The following SLC25A12 variants were observed in gnomAD, a reference collection of about 807,000 sequenced individuals.
SLC25A12 encodes solute carrier family 25 member 12.
SLC25A12 carries 32 observed loss-of-function variants against 83.3 expected under a neutral mutation model. The observed-to-expected ratio is 0.38, with a 90% confidence interval of 0.29 to 0.52. SLC25A12 has a LOEUF of 0.52. SLC25A12 is among the 20% of genes least tolerant of loss of function. The pLI, the probability that SLC25A12 is intolerant of heterozygous loss-of-function variation, is 0.84. For missense variants in SLC25A12, 611 were observed against 835.6 expected, an observed-to-expected ratio of 0.73 and a Z score of 3.31; for synonymous variants, 267 against 291.1, an observed-to-expected ratio of 0.92 and a Z score of 0.84.
intron 3 of SLC25A12, among the ~76,000 whole-genome samples, chr2:171,866,790 C>T (rs1380711634): frequency 5.0e-5 from 7 of 139,828 alleles, no homozygotes; most frequent in Non-Finnish European, 9.4e-5. Flanking sequence ...CCCTCCCGGA[C>T]GGGGCGGCTG....
chr2:171,821,014 ATTCT>A (rs1214844049), intron 9 of SLC25A12, among the ~76,000 whole-genome samples: 2 of 111,890 alleles, frequency 1.8e-5, no homozygotes, highest in Non-Finnish European at 3.6e-5. Context: ...AGCTATAAAC[ATTCT>A]TTTTTTTTTT....
At chr2:171,808,481 G>T (rs886414829) in intron 13 of SLC25A12, among the ~76,000 whole-genome samples, 1 of 152,128 alleles carries the variant, frequency 6.6e-6, no homozygotes, top group Non-Finnish European at 1.5e-5. Flanking sequence ...TTAAACAATG[G>T]CTTACTCAGT....
chr2:171,785,215 C>T lies in SLC25A12; in HGVS notation c.*59G>A. 1.3e-6 allele frequency: 2 copies of T among 1,503,584 alleles called. No homozygotes were observed. The highest frequency in any genetic ancestry group is 1.9e-6 in the Non-Finnish European group (2 of 1,080,856). 93.1% of individuals were successfully genotyped at this position (1,503,584 alleles called of 1,614,324 possible). A position where few individuals can be genotyped will look rare whatever the true frequency, so the allele number is the denominator to read the frequency against. Reference sequence around the variant, plus strand: ...GCAGCTGACTGGATACATTACAGGGCTGCTCTCCTAGGCCTCTTTCTTCAA... The same window carrying T: ...GCAGCTGACTGGATACATTACAGGGTTGCTCTCCTAGGCCTCTTTCTTCAA... On this transcript the variant is annotated 3_prime_UTR_variant, in exon 18 of 18. Coordinates refer to ENST00000422440, the MANE Select transcript of SLC25A12 (RefSeq NM_003705.5).
At chr2:171,874,870 C>T (rs1043840074) in intron 2 of SLC25A12, among the ~76,000 whole-genome samples, 1 of 152,180 alleles carries the variant, frequency 6.6e-6, no homozygotes, top group East Asian at 1.9e-4. Flanking sequence ...GGCCATTTCA[C>T]ACCAACTTCC....
At chr2:171,850,643 G>C (rs1424913017) in intron 4 of SLC25A12, among the ~76,000 whole-genome samples, 1 of 151,844 alleles carries the variant, frequency 6.6e-6, no homozygotes, top group Non-Finnish European at 1.5e-5. Context: ...GGGATTACAG[G>C]CATGAGCCAC....
rs1197157829 is a variant in SLC25A12, at chr2:171,837,144, A to G, written c.589T>C (p.Phe197Leu). ...ACTGAAACTAAGTTCTCCTCCACAA[A>G]AGGAGTAAGCATGTGAGATCTAATG... is the stretch of plus-strand genomic sequence containing the variant. ...VTIRSHMLTP[F>L]VEENLVSAAG... is the part of the protein sequence containing the mutation. Residue 197 changes from phenylalanine (F) to leucine (L), a missense_variant, in exon 6 of 18, where the codon TTT (phenylalanine) becomes CTT (leucine). By Grantham distance (22) the Phe-to-Leu change is conservative. Transcript: ENST00000422440. The G allele has an allele frequency of 6.2e-7, 1 of 1,613,974 alleles. No individual in the cohort carries two copies. The highest frequency in any genetic ancestry group is 8.5e-7 in the Non-Finnish European group (1 of 1,179,936).
chr2:171,881,147 T>G (rs74858186), intron 2 of SLC25A12, among the ~76,000 whole-genome samples: 4,113 of 152,068 alleles, frequency 0.027, 70 homozygotes, highest in Middle Eastern at 0.041. Context: ...ATTTTCTTTT[T>G]TTGTTGTTGT....
At chr2:171,820,645 G>T (rs1216247248) in intron 9 of SLC25A12, among the ~76,000 whole-genome samples, 1 of 141,258 alleles carries the variant, frequency 7.1e-6, no homozygotes, top group East Asian at 2.0e-4. Flanking sequence ...GGAGAATGGC[G>T]TGAACCCGGG....
chr2:171,881,147 TTTGTTGTTGTTG>T (rs199795106), intron 2 of SLC25A12, among the ~76,000 whole-genome samples: 1 of 151,970 alleles, frequency 6.6e-6, no homozygotes, highest in East Asian at 1.9e-4. Context: ...ATTTTCTTTT[TTTGTTGTTGTTG>T]TTGTTGTTGT....
At chr2:171,805,617 A>G (rs1683808855) in intron 13 of SLC25A12, among the ~76,000 whole-genome samples, 1 of 152,234 alleles carries the variant, frequency 6.6e-6, no homozygotes, top group South Asian at 2.1e-4. Flanking sequence ...AGTTGGGAAC[A>G]ATAATGAGAT....
chr2:171,893,142 G>A, intron 2 of SLC25A12, 63 bp downstream of exon 2: 1 of 1,305,016 alleles, frequency 7.7e-7, no homozygotes, highest in Non-Finnish European at 1.1e-6. Flanking sequence ...GGCATGAATA[G>A]GACTAAGGAC....
At chr2:171,796,874 G>A (rs1683607631) in intron 13 of SLC25A12, among the ~76,000 whole-genome samples, 1 of 152,178 alleles carries the variant, frequency 6.6e-6, no homozygotes, top group Non-Finnish European at 1.5e-5. Flanking sequence ...GGATTCTGAG[G>A]TTGACCACTC....
chr2:171,785,589 C>A, intron 17 of SLC25A12, 114 bp from the exon 18 acceptor site: 5 of 926,324 alleles, frequency 5.4e-6, no homozygotes, highest in Non-Finnish European at 8.8e-6. Context: ...TTCTCTCAAC[C>A]ATTTCCATGG....
chr2:171,797,558 C>G (rs751971939), intron 13 of SLC25A12, among the ~76,000 whole-genome samples: 53 of 152,168 alleles, frequency 3.5e-4, no homozygotes, highest in Admixed American at 3.1e-3. Context: ...GCAACAACAA[C>G]AAGAAACAGA....
chr2:171,821,336 C>G (rs1360387740), intron 9 of SLC25A12, among the ~76,000 whole-genome samples: 2 of 152,114 alleles, frequency 1.3e-5, no homozygotes, highest in Non-Finnish European at 1.5e-5. Flanking sequence ...TTGTACATAT[C>G]TCTTAACACA....
intron 8 of SLC25A12, among the ~76,000 whole-genome samples, chr2:171,829,058 G>A (rs1459800061): frequency 7.9e-5 from 12 of 152,184 alleles, no homozygotes; most frequent in Non-Finnish European, 1.5e-4. Flanking sequence ...ACCTCTATGG[G>A]CAACTCTCCA....
At chr2:171,861,600 GT>G (rs1685161204) in intron 3 of SLC25A12, among the ~76,000 whole-genome samples, 1 of 152,070 alleles carries the variant, frequency 6.6e-6, no homozygotes, top group African/African-American at 2.4e-5. Context: ...TATAGACGGG[GT>G]TTTGCTATGT....
Position 171,815,218 on chromosome 2 carries a change from C to T in SLC25A12, c.931-16G>A, listed in dbSNP as rs368815687. On this transcript the variant is annotated splice_polypyrimidine_tract_variant and intron_variant, in intron 9 of 17. Transcript: ENST00000422440. ...CAGGAGACTGCTGCAGAGAAGAAAA[C>T]GGGTAAAAAAAAATCTTGAAAGCGC... 7.5e-6 allele frequency: 12 copies of T among 1,596,096 alleles called. No individual in the cohort carries two copies. The highest frequency in any genetic ancestry group is 6.7e-5 in the African/African-American group (5 of 74,486).
intron 2 of SLC25A12, among the ~76,000 whole-genome samples, chr2:171,890,714 C>A (rs1469553939): frequency 6.6e-6 from 1 of 152,120 alleles, no homozygotes; most frequent in African/African-American, 2.4e-5. Context: ...AACTCCTGGG[C>A]TCAAGTGATC....
Sources: gnomAD v4.1 joint callset for allele counts (sites outside exome capture counted in the v4.1 genomes callset) on GRCh38, gnomAD v4.1.1 for gene constraint, MANE v1.5 for transcripts, NCBI Gene and HGNC (gene_info 2026-07-23, HGNC 2026-07-21) for gene names.